Variants in GPC6 observed in about 807,000 individuals in gnomAD.
GPC6 encodes glypican-6.
Under a neutral mutation model 55.2 loss-of-function variants are expected in GPC6, and 14 were observed. That is an observed-to-expected ratio of 0.25 (90% CI 0.17 to 0.40). GPC6 has a LOEUF of 0.40. Ranked by LOEUF, GPC6 falls within the 10% of genes least tolerant of loss-of-function variation. The pLI is 1.00. For missense variants in GPC6, 641 were observed against 708.5 expected, an observed-to-expected ratio of 0.90 and a Z score of 1.08; for synonymous variants, 278 against 259.6, an observed-to-expected ratio of 1.07 and a Z score of -0.68.
chr13:94,112,949 A>C (rs1183775779), intron 4 of GPC6, among the ~76,000 whole-genome samples: 2 of 151,996 alleles, frequency 1.3e-5, no homozygotes, highest in Non-Finnish European at 1.5e-5. Flanking sequence ...TGGTGATTGG[A>C]GTTGGGCCTG....
At chr13:93,672,777 T>C (rs1881426392) in intron 2 of GPC6, among the ~76,000 whole-genome samples, 1 of 151,958 alleles carries the variant, frequency 6.6e-6, no homozygotes, top group African/African-American at 2.4e-5. Context: ...TGAAATGATA[T>C]ATCAGATAGT....
chr13:94,016,136 T>G (rs1325273510), intron 3 of GPC6, among the ~76,000 whole-genome samples: 1 of 152,206 alleles, frequency 6.6e-6, no homozygotes, highest in African/African-American at 2.4e-5. Flanking sequence ...AATCATGCGG[T>G]ATCTGTCCTT....
At chr13:93,821,604 T>C (rs1334678030) in intron 2 of GPC6, among the ~76,000 whole-genome samples, 2 of 152,204 alleles carry the variant, frequency 1.3e-5, no homozygotes, top group Non-Finnish European at 2.9e-5. Flanking sequence ...GCAACCACAG[T>C]ACTCAACTGT....
intron 5 of GPC6, among the ~76,000 whole-genome samples, chr13:94,302,743 T>C (rs977434987): frequency 1.3e-5 from 2 of 152,132 alleles, no homozygotes; most frequent in Non-Finnish European, 2.9e-5. Flanking sequence ...CGCCCAGAGC[T>C]CCCAAGATGG....
chr13:93,657,048 T>C (rs754164864), intron 2 of GPC6, among the ~76,000 whole-genome samples: 1 of 152,108 alleles, frequency 6.6e-6, no homozygotes, highest in African/African-American at 2.4e-5. Flanking sequence ...ACAGATTCAA[T>C]GTTATTCTGA....
At chr13:93,248,913 C>CTGTT (rs1476139585) in intron 1 of GPC6, among the ~76,000 whole-genome samples, 2 of 152,194 alleles carry the variant, frequency 1.3e-5, no homozygotes, top group African/African-American at 4.8e-5. Flanking sequence ...CATTCGAGGC[C>CTGTT]TGTTACCTTA....
At chr13:94,019,292 G>T (rs1212190669) in intron 3 of GPC6, among the ~76,000 whole-genome samples, 1 of 151,904 alleles carries the variant, frequency 6.6e-6, no homozygotes, top group African/African-American at 2.4e-5. Context: ...GTCTTGGTAG[G>T]GTGTATCTTT....
At chr13:93,741,614 A>C (rs878898107) in intron 2 of GPC6, among the ~76,000 whole-genome samples, 1 of 152,118 alleles carries the variant, frequency 6.6e-6, no homozygotes, top group African/African-American at 2.4e-5. Context: ...CCCTGAGTTT[A>C]AATTATATTG....
At chr13:94,380,749 G>T (rs1477923624) in intron 6 of GPC6, among the ~76,000 whole-genome samples, 3 of 152,124 alleles carry the variant, frequency 2.0e-5, no homozygotes. Flanking sequence ...TAGAGAGCCA[G>T]CATACAAATT....
chr13:93,717,014 A>C (rs1421102613), intron 2 of GPC6, among the ~76,000 whole-genome samples: 3 of 151,626 alleles, frequency 2.0e-5, no homozygotes, highest in Non-Finnish European at 4.4e-5. Context: ...GCTATATACC[A>C]TGTAGTCTAG....
rs1884874811 is a variant in GPC6 at position 94,075,385 on chromosome 13, A to T, written c.877+47491A>T. ...AATAAACATATTTATCACCCCCCAA[A>T]ATTTCCTTGTGTCCCTTTGTGTTTT... On this transcript the variant is annotated intron_variant, in intron 4 of 8. Coordinates refer to ENST00000377047, the MANE Select transcript of GPC6 (RefSeq NM_005708.5). Among the ~76,000 whole-genome samples the T allele has an allele frequency of 2.0e-5, 3 of 151,712 alleles. No homozygotes were observed. In the South Asian group the frequency reaches 6.2e-4, roughly 32 times the overall value.
chr13:93,632,664 G>A (rs1043220916), intron 2 of GPC6, among the ~76,000 whole-genome samples: 2 of 110,100 alleles, frequency 1.8e-5, no homozygotes, highest in Admixed American at 9.3e-5. Flanking sequence ...TTTCCAAATG[G>A]CCACATTTTC....
At chr13:93,355,775 A>G (rs906964535) in intron 1 of GPC6, among the ~76,000 whole-genome samples, 7 of 152,120 alleles carry the variant, frequency 4.6e-5, no homozygotes, top group African/African-American at 1.7e-4. Context: ...CAGTCTGGAA[A>G]TGGTGATGTT....
chr13:93,401,564 T>C lies in GPC6; in HGVS notation c.161-143699T>C, dbSNP rs145061136. 6.7e-3 allele frequency among the ~76,000 whole-genome samples: 1,019 copies of C among 151,890 alleles called. 12 individuals are homozygous for C. Among genetic ancestry groups the C allele is most frequent in the African/African-American group, 0.023 (957 of 41,466 alleles). ...CGATATTGTTTCAGACACTAGGATC[T>C]ACTCTCTTACACAGTGTGATTAGAA... On this transcript the variant is annotated intron_variant, in intron 1 of 8. Coordinates refer to ENST00000377047, the MANE Select transcript of GPC6 (RefSeq NM_005708.5).
intron 3 of GPC6, among the ~76,000 whole-genome samples, chr13:93,871,242 A>G (rs1889123907): frequency 6.6e-6 from 1 of 151,950 alleles, no homozygotes; most frequent in Non-Finnish European, 1.5e-5. Context: ...AAATACTCAG[A>G]GCTCCAAGTT....
intron 4 of GPC6, among the ~76,000 whole-genome samples, chr13:94,238,543 G>A (rs1164071794): frequency 1.3e-5 from 2 of 152,164 alleles, no homozygotes; most frequent in African/African-American, 4.8e-5. Flanking sequence ...GGGCACGTTG[G>A]CCACTACAGA....
chr13:94,273,836 T>C lies in GPC6; in HGVS notation c.878-12513T>C, dbSNP rs564226266. On this transcript the variant is annotated intron_variant, in intron 4 of 8. Coordinates refer to ENST00000377047, the MANE Select transcript of GPC6 (RefSeq NM_005708.5). Reference sequence around the variant, plus strand: ...TAAGAACTCTTTACCCCTTAAATTCTATGACTCATCTTTAAGGCAAGGAAT... The same window carrying C: ...TAAGAACTCTTTACCCCTTAAATTCCATGACTCATCTTTAAGGCAAGGAAT... Among the ~76,000 whole-genome samples, 7 of 152,322 alleles carry C rather than the reference T, an allele frequency of 4.6e-5. No individual in the cohort carries two copies. In the East Asian group the frequency reaches 1.3e-3, roughly 29 times the overall value.
At chr13:94,037,563 A>G (rs1196334841) in intron 4 of GPC6, among the ~76,000 whole-genome samples, 1 of 151,970 alleles carries the variant, frequency 6.6e-6, no homozygotes, top group Admixed American at 6.6e-5. Context: ...TGATTACTTT[A>G]AACTTTTAAC....
chr13:93,553,990 A>AAAT (rs1491364443), intron 2 of GPC6, among the ~76,000 whole-genome samples: 8 of 136,070 alleles, frequency 5.9e-5, no homozygotes, highest in African/African-American at 1.7e-4. Flanking sequence ...AAAAAAAAAA[A>AAAT]TACAAAAATT....
Sources: gnomAD v4.1 joint callset for allele counts (sites outside exome capture counted in the v4.1 genomes callset) on GRCh38, gnomAD v4.1.1 for gene constraint, MANE v1.5 for transcripts, NCBI Gene and HGNC (gene_info 2026-07-23, HGNC 2026-07-21) for gene names.